Variants in PDS5B observed in about 807,000 individuals in gnomAD.
The protein encoded by PDS5B is PDS5 cohesin associated factor B.
Under a neutral mutation model 184.1 loss-of-function variants are expected in PDS5B, and 51 were observed. The observed-to-expected ratio is 0.28, with a 90% CI of 0.22 to 0.35. The LOEUF (loss-of-function observed/expected upper bound fraction) is 0.35. Among genes scored for constraint, PDS5B ranks in the 10% least tolerant of loss-of-function variants. PDS5B has a pLI of 1.00. For synonymous variants in PDS5B, 566 were observed against 569.2 expected (o/e 0.99, Z 0.08); for missense variants, 1,180 against 1,723.3 (o/e 0.68, Z 5.58).
At chr13:32,595,137 C>G (rs1043589209) in intron 1 of PDS5B, among the ~76,000 whole-genome samples, 20 of 152,066 alleles carry the variant, frequency 1.3e-4, no homozygotes, top group Admixed American at 7.9e-4. Context: ...ATCTTTCCAA[C>G]TTGTACCTTG....
At chr13:32,767,602 G>C (rs896934257) in intron 31 of PDS5B, among the ~76,000 whole-genome samples, 3 of 152,084 alleles carry the variant, frequency 2.0e-5, no homozygotes, top group African/African-American at 7.2e-5. Flanking sequence ...TTGACTGATT[G>C]ACAGATTCAT....
chr13:32,716,054 A>G (rs1049140626), intron 19 of PDS5B, among the ~76,000 whole-genome samples: 2 of 28 alleles, frequency 0.071, no homozygotes, highest in African/African-American at 0.17. Flanking sequence ...CAAAGTGCCG[A>G]GAGTTGCAGC....
chr13:32,716,991 G>C (rs1190704072), intron 19 of PDS5B, among the ~76,000 whole-genome samples: 1 of 126,894 alleles, frequency 7.9e-6, no homozygotes, highest in East Asian at 2.4e-4. Flanking sequence ...CCCCCGCCCG[G>C]CCAGCTGCCC....
In PDS5B at chr13:32,735,659, A is replaced by T. The variant is rs1953305437; in HGVS notation, c.2406+329A>T. Among the ~76,000 whole-genome samples the T allele has an allele frequency of 2.0e-5, 3 of 152,164 alleles. No individual in the cohort carries two copies. In the South Asian group the frequency reaches 6.2e-4, roughly 31 times the overall value. On this transcript the variant is annotated intron_variant, in intron 21 of 34. Coordinates refer to ENST00000315596, the MANE Select transcript of PDS5B (RefSeq NM_015032.4). ...TATGCAGATTGGTAAACCAGCTCAT[A>T]GTATGGTTGTCATGATTATAGTTTT...
intron 24 of PDS5B, among the ~76,000 whole-genome samples, chr13:32,752,318 C>G (rs957559026): frequency 1.3e-5 from 2 of 152,054 alleles, no homozygotes; most frequent in South Asian, 2.1e-4. Context: ...TATAGAAAAA[C>G]GCGTAATATA....
chr13:32,681,623 C>A (rs1951248488), intron 10 of PDS5B, among the ~76,000 whole-genome samples: 1 of 144,760 alleles, frequency 6.9e-6, no homozygotes, highest in Admixed American at 6.9e-5. Flanking sequence ...AAGACTCAGT[C>A]TCAAAAAAAA....
At chr13:32,760,018 G>A (rs1305108765) in intron 29 of PDS5B, among the ~76,000 whole-genome samples, 11 of 151,880 alleles carry the variant, frequency 7.2e-5, no homozygotes, top group African/African-American at 2.7e-4. Flanking sequence ...GTGCAGTGGC[G>A]CATCTCGGCT....
Position 32,648,678 on chromosome 13 carries a change from G to C in PDS5B, c.-19-76G>C, listed in dbSNP as rs1950286938. On this transcript the variant is annotated intron_variant, in intron 1 of 34. Coordinates refer to ENST00000315596, the MANE Select transcript of PDS5B (RefSeq NM_015032.4). ...GTAGTTACAAATTTTGGTTGGTGGG[G>C]AAGGTTACCATTTATGTTTGTTAAG... The C allele has an allele frequency of 2.2e-5, 14 of 650,490 alleles. No individual in the cohort carries two copies. The Admixed American group carries it at 2.3e-4, about 11-fold the overall frequency. 40.3% of individuals were successfully genotyped at this position (650,490 alleles called of 1,614,324 possible).
chr13:32,765,912 A>G (rs1350419193), intron 31 of PDS5B, among the ~76,000 whole-genome samples: 2 of 152,222 alleles, frequency 1.3e-5, no homozygotes. Flanking sequence ...TGAAAGAATT[A>G]TTCTAAAATT....
At position 32,766,525 on chromosome 13, in the gene PDS5B, G is replaced by A. The variant is rs560480537; in HGVS notation, c.3624+1931G>A. On this transcript the variant is annotated intron_variant, in intron 31 of 34. Transcript: ENST00000315596. ...TTAATAAGCTAGTTTTGACTGAAGT[G>A]CCCTCAGAGAGATGAGTATTATGAG... 2.0e-5 allele frequency among the ~76,000 whole-genome samples: 3 copies of A among 152,172 alleles called. No homozygotes were observed. The East Asian group carries it at 5.8e-4, about 29-fold the overall frequency.
At chr13:32,756,357 G>A (rs1472558167) in intron 26 of PDS5B, among the ~76,000 whole-genome samples, 1 of 152,078 alleles carries the variant, frequency 6.6e-6, no homozygotes. Context: ...ATCTTCCTCT[G>A]TAGAAGGAGA....
chr13:32,699,405 A>G (rs1951801920), intron 15 of PDS5B, among the ~76,000 whole-genome samples: 1 of 152,200 alleles, frequency 6.6e-6, no homozygotes, highest in Non-Finnish European at 1.5e-5. Flanking sequence ...GTATGCAACA[A>G]GCTCAAGGGG....
In PDS5B at chr13:32,607,603, T is replaced by G. The variant is rs560885459; in HGVS notation, c.-20+21010T>G. The stretch of plus-strand genomic sequence containing the variant: ...CTTCAAAGCTGTCAGACAGGGACAT[T>G]TAAGTCTGCAGAAGTTTCTGCTGCC... On this transcript the variant is annotated intron_variant, in intron 1 of 34. Coordinates refer to ENST00000315596, the MANE Select transcript of PDS5B (RefSeq NM_015032.4). Among the ~76,000 whole-genome samples the G allele has an allele frequency of 3.3e-5, 5 of 152,370 alleles. No homozygotes were observed. The South Asian group carries it at 1.0e-3, about 32-fold the overall frequency.
At chr13:32,606,367 T>C (rs1182703986) in intron 1 of PDS5B, among the ~76,000 whole-genome samples, 1 of 152,228 alleles carries the variant, frequency 6.6e-6, no homozygotes, top group Admixed American at 6.5e-5. Flanking sequence ...TTGAAAATTC[T>C]TTTCTTTAAG....
chr13:32,701,374 C>T lies in PDS5B; in HGVS notation c.1792C>T (p.Leu598=). Residue 598 remains leucine, a synonymous_variant, in exon 17 of 35, where the codon CTG becomes TTG. Coordinates refer to ENST00000315596, the MANE Select transcript of PDS5B (RefSeq NM_015032.4). The part of the protein sequence containing the change: ...GNPKQPTNPF[L]EMIKFLLERI... ...CCCCAAACAGCCTACAAATCCTTTC[C>T]TGGAAATGATCAAGTTTCTCTTGGA... 6.2e-7 allele frequency: 1 copy of T among 1,612,806 alleles called. No homozygotes were observed. Among genetic ancestry groups the T allele is most frequent in the Non-Finnish European group, 8.5e-7 (1 of 1,179,092 alleles).
Position 32,775,198 on chromosome 13 carries a change from C to T in PDS5B, c.*146C>T. On this transcript the variant is annotated 3_prime_UTR_variant, in exon 35 of 35. Transcript: ENST00000315596. ...CAGTTGGACCTTACTTTGGTGACCC[C>T]ATACATTTGTGGTCACATGCTTTAG... 1.5e-6 allele frequency: 1 copy of T among 676,208 alleles called. No homozygotes were observed. The highest frequency in any genetic ancestry group is 2.5e-6 in the Non-Finnish European group (1 of 398,054). The allele number at this position is 676,208 out of a possible 1,614,324, so 41.9% of individuals were successfully genotyped here.
At chr13:32,595,526 A>T (rs751165801) in intron 1 of PDS5B, among the ~76,000 whole-genome samples, 13 of 152,236 alleles carry the variant, frequency 8.5e-5, no homozygotes, top group Non-Finnish European at 1.9e-4. Flanking sequence ...TTAAACAAAT[A>T]GTAACACATA....
Position 32,659,258 on chromosome 13 carries a change from T to C in PDS5B, c.602T>C (p.Val201Ala). Reference sequence around the variant, plus strand: ...CAGGAGCTTTTGGATACGGTTTTAGTAAATCTGGTACCTGCTCATAAGGTG... The same window carrying C: ...CAGGAGCTTTTGGATACGGTTTTAGCAAATCTGGTACCTGCTCATAAGGTG... ...VSQELLDTVL[V>A]NLVPAHKNLN... The change falls in exon 6 of 35, where the codon GTA becomes GCA. Residue 201 changes from valine (V) to alanine (A), a missense_variant. By Grantham distance (64) the Val-to-Ala change is moderately conservative (BLOSUM62 0). Around this residue, in one of 11 missense-constraint regions of PDS5B, gnomAD observed 79 missense variants for 124.6 expected, o/e 0.63. Coordinates refer to ENST00000315596, the MANE Select transcript of PDS5B (RefSeq NM_015032.4). The C allele has an allele frequency of 6.3e-7, 1 of 1,589,726 alleles. No individual in the cohort carries two copies. Among genetic ancestry groups the C allele is most frequent in the Non-Finnish European group, 8.6e-7 (1 of 1,164,428 alleles).
At chr13:32,674,763 G>T (rs1032702684) in intron 8 of PDS5B, among the ~76,000 whole-genome samples, 3 of 151,974 alleles carry the variant, frequency 2.0e-5, no homozygotes, top group Non-Finnish European at 4.4e-5. Context: ...GGTTCCGGGT[G>T]AATTTGTGGA....
Sources: gnomAD v4.1 joint callset for allele counts (sites outside exome capture counted in the v4.1 genomes callset) on GRCh38, gnomAD v4.1.1 for gene constraint, gnomAD v4.1.1 regional missense constraint, MANE v1.5 for transcripts, NCBI Gene and HGNC (gene_info 2026-07-23, HGNC 2026-07-21) for gene names.